SCAI: variants seen among roughly 807,000 people sequenced by gnomAD.
SCAI encodes protein SCAI.
A neutral mutation model predicts 92.2 loss-of-function variants in SCAI; 24 were observed. The observed-to-expected ratio is 0.26, with a 90% CI of 0.19 to 0.37. The LOEUF is 0.37. Among genes scored for constraint, SCAI ranks in the 10% least tolerant of loss-of-function variants. SCAI has a pLI of 1.00. For missense variants in SCAI, 450 were observed against 736.2 expected, an observed-to-expected ratio of 0.61 and a Z score of 4.50; for synonymous variants, 261 against 258.6, an observed-to-expected ratio of 1.01 and a Z score of -0.09.
chr9:124,994,113 C>T (rs1054347342), intron 14 of SCAI, among the ~76,000 whole-genome samples: 1 of 151,146 alleles, frequency 6.6e-6, no homozygotes, highest in African/African-American at 2.4e-5. Context: ...CAGCTCACCA[C>T]AACCTCTACC....
In SCAI at chr9:124,944,087, CTGAT is replaced by C. The variant is rs1237407859; in HGVS notation, c.*8716_*8719del. The C allele has an allele frequency of 4.6e-5, 7 of 152,102 alleles. No individual in the cohort carries two copies. Among genetic ancestry groups the C allele is most frequent in the African/African-American group, 1.7e-4 (7 of 41,416 alleles). The allele number at this position is 152,102 out of a possible 1,614,324, so 9.4% of individuals were successfully genotyped here. On this transcript the variant is annotated 3_prime_UTR_variant, in exon 18 of 18. Transcript: ENST00000336505. ...AATCATCCAAAATCTAAAGGTTTCT[CTGAT>C]TGTTGAACAGCAAGGTTTATTAAAA... is the stretch of plus-strand genomic sequence containing the variant.
At chr9:124,959,906 G>A (rs901136331) in intron 17 of SCAI, among the ~76,000 whole-genome samples, 1 of 152,112 alleles carries the variant, frequency 6.6e-6, no homozygotes, top group Non-Finnish European at 1.5e-5. Flanking sequence ...TGGTGTATAT[G>A]TGCCACATTT....
rs531154746 is a variant in SCAI, at chr9:125,074,401, C to T, written c.99-18394G>A. On this transcript the variant is annotated intron_variant, in intron 2 of 17. Transcript: ENST00000336505. Reference sequence around the variant, plus strand: ...CCTCCTGAGTAGCTGGGATTACAGGCGTGCACCACCATGCCTGGCTAATTA... The same window carrying T: ...CCTCCTGAGTAGCTGGGATTACAGGTGTGCACCACCATGCCTGGCTAATTA... Among the ~76,000 whole-genome samples, 144 of 151,392 alleles carry T rather than the reference C, an allele frequency of 9.5e-4. 1 individual carries two copies. The highest frequency in any genetic ancestry group is 3.3e-3 in the African/African-American group (138 of 41,412).
At chr9:125,033,142 T>C (rs535650890) in intron 3 of SCAI, among the ~76,000 whole-genome samples, 9 of 152,084 alleles carry the variant, frequency 5.9e-5, no homozygotes, top group Admixed American at 3.3e-4. Flanking sequence ...GGCGGAAAGA[T>C]TGCTTGAGAC....
chr9:125,127,335 A>G (rs993312246), intron 2 of SCAI, among the ~76,000 whole-genome samples: 1 of 151,756 alleles, frequency 6.6e-6, no homozygotes, highest in Admixed American at 6.6e-5. Flanking sequence ...GTGGATCTCT[A>G]TTATTAATCA....
intron 2 of SCAI, among the ~76,000 whole-genome samples, chr9:125,066,919 C>T (rs1484455815): frequency 1.3e-5 from 2 of 152,116 alleles, no homozygotes; most frequent in Non-Finnish European, 2.9e-5. Context: ...TACAGGATTG[C>T]AGCCCAGGAG....
intron 2 of SCAI, among the ~76,000 whole-genome samples, chr9:125,129,454 CTTTTTTTTTTTTTTTTTT>C (rs1171739834): frequency 1.5e-5 from 1 of 67,558 alleles, no homozygotes; most frequent in Admixed American, 1.8e-4. Context: ...ATTAGAATTT[CTTTTTTTTTTTTTTTTTT>C]TTTTTTTTTG....
intron 14 of SCAI, among the ~76,000 whole-genome samples, chr9:124,978,891 C>A (rs1290921946): frequency 6.6e-6 from 1 of 151,254 alleles, no homozygotes; most frequent in African/African-American, 2.4e-5. Flanking sequence ...GAAACAGTTT[C>A]GCTCTGTCGC....
At chr9:125,055,806 C>T in intron 3 of SCAI, 70 bp downstream of exon 3, 4 of 1,363,258 alleles carry the variant, frequency 2.9e-6, no homozygotes, top group Non-Finnish European at 2.0e-6. Context: ...CGGAAACTTA[C>T]CACACATCAG....
At chr9:125,096,062 T>C (rs1834545727) in intron 2 of SCAI, among the ~76,000 whole-genome samples, 2 of 152,208 alleles carry the variant, frequency 1.3e-5, no homozygotes, top group Non-Finnish European at 2.9e-5. Context: ...CAGCACTTCC[T>C]GGACATTTAT....
At chr9:125,025,239 T>G (rs539796466) in intron 6 of SCAI, among the ~76,000 whole-genome samples, 1 of 152,332 alleles carries the variant, frequency 6.6e-6, no homozygotes, top group African/African-American at 2.4e-5. Flanking sequence ...TCTAATTTAC[T>G]GGCACAAAGC....
At chr9:125,015,527 G>A (rs1193826776) in intron 9 of SCAI, among the ~76,000 whole-genome samples, 1 of 151,892 alleles carries the variant, frequency 6.6e-6, no homozygotes, top group Non-Finnish European at 1.5e-5. Flanking sequence ...AAAAAGTCAG[G>A]AAACAGGTGC....
chr9:125,053,374 A>G (rs1397012641), intron 3 of SCAI, among the ~76,000 whole-genome samples: 1 of 152,182 alleles, frequency 6.6e-6, no homozygotes, highest in East Asian at 1.9e-4. Flanking sequence ...AAACTTGTAT[A>G]CAAATGTTCA....
At chr9:124,999,559 T>A (rs1306540853) in intron 13 of SCAI, among the ~76,000 whole-genome samples, 1 of 152,158 alleles carries the variant, frequency 6.6e-6, no homozygotes, top group African/African-American at 2.4e-5. Flanking sequence ...CGTATTGATG[T>A]TACATGTATA....
At chr9:124,977,402 C>CGCCT (rs1207847138) in intron 14 of SCAI, among the ~76,000 whole-genome samples, 1 of 151,952 alleles carries the variant, frequency 6.6e-6, no homozygotes, top group Non-Finnish European at 1.5e-5. Context: ...CAGTGAGGCC[C>CGCCT]GGCACAGTGG....
intron 2 of SCAI, among the ~76,000 whole-genome samples, chr9:125,134,830 C>T (rs1588254137): frequency 1.3e-5 from 2 of 152,214 alleles, no homozygotes; most frequent in East Asian, 3.8e-4. Flanking sequence ...GCATGCGCCA[C>T]CACGCCAGGC....
rs1170226430 is a variant in SCAI, at chr9:124,948,494, C to A, written c.*4313G>T. On this transcript the variant is annotated 3_prime_UTR_variant, in exon 18 of 18. Coordinates refer to ENST00000336505, the MANE Select transcript of SCAI (RefSeq NM_001144877.3). ...GCCAAAATACAAATCCCTAATTATT[C>A]TTTCTTGTTCATTATAGAAAGCAGT... is the stretch of plus-strand genomic sequence containing the variant. 6.6e-6 allele frequency: 1 copy of A among 152,118 alleles called. No homozygotes were observed. Among genetic ancestry groups the A allele is most frequent in the Non-Finnish European group, 1.5e-5 (1 of 68,004 alleles). The allele number at this position is 152,118 out of a possible 1,614,324, so 9.4% of individuals were successfully genotyped here. A position where few individuals can be genotyped will look rare whatever the true frequency, so the allele number is the denominator to read the frequency against.
chr9:125,130,612 G>T (rs111455457), intron 2 of SCAI, among the ~76,000 whole-genome samples: 2,905 of 151,852 alleles, frequency 0.019, 98 homozygotes, highest in African/African-American at 0.066. Context: ...CTCCCGGGTT[G>T]GAGCGATTCC....
At chr9:124,965,244 G>A (rs1358390006) in intron 17 of SCAI, among the ~76,000 whole-genome samples, 1 of 151,720 alleles carries the variant, frequency 6.6e-6, no homozygotes, top group Non-Finnish European at 1.5e-5. Flanking sequence ...TTGTGTGTAT[G>A]TCGGGGGGGA....
Sources: gnomAD v4.1 joint callset for allele counts (sites outside exome capture counted in the v4.1 genomes callset) on GRCh38, gnomAD v4.1.1 for gene constraint, MANE v1.5 for transcripts, NCBI Gene and HGNC (gene_info 2026-07-23, HGNC 2026-07-21) for gene names.